The following PDE10A variants were observed in gnomAD, a reference collection of about 807,000 sequenced individuals.
The protein encoded by PDE10A is phosphodiesterase 10A.
PDE10A carries 39 observed loss-of-function variants against 97.7 expected under a neutral mutation model. The ratio of observed to expected loss-of-function variants is 0.40; its 90% CI spans 0.31 to 0.52. PDE10A has a LOEUF of 0.52. PDE10A is among the 20% of genes least tolerant of loss of function. The pLI, the probability that PDE10A is intolerant of heterozygous loss-of-function variation, is 0.56. For missense variants in PDE10A, 731 were observed against 1,047.8 expected, an observed-to-expected ratio of 0.70 and a Z score of 4.17; for synonymous variants, 371 against 376.8, an observed-to-expected ratio of 0.98 and a Z score of 0.18.
At chr6:165,531,155 T>C (rs1782754027) in intron 2 of PDE10A, among the ~76,000 whole-genome samples, 1 of 152,000 alleles carries the variant, frequency 6.6e-6, no homozygotes, top group Non-Finnish European at 1.5e-5. Flanking sequence ...GATCACATAC[T>C]CTAACTACAT....
intron 2 of PDE10A, among the ~76,000 whole-genome samples, chr6:165,512,926 A>T (rs1387073911): frequency 6.6e-6 from 1 of 152,018 alleles, no homozygotes; most frequent in Non-Finnish European, 1.5e-5. Context: ...AATGAGATTA[A>T]GCATCCTTTA....
At position 165,883,552 on chromosome 6, in the gene PDE10A, A is replaced by AT. The variant is rs1172293880; in HGVS notation, c.-615+103976_-615+103977insA. 4.1e-4 allele frequency among the ~76,000 whole-genome samples: 28 copies of AT among 68,316 alleles called. No homozygotes were observed. The East Asian group carries it at 4.2e-3, about 10-fold the overall frequency. The allele number at this position is 68,316 out of a possible 152,430, so 44.8% of individuals were successfully genotyped here. The stretch of plus-strand genomic sequence containing the variant: ...GAGACTCCGTCTCAAAAAAAAAAAA[A>AT]ATAAATAAAAATAAAAATAAACTCT... On this transcript the variant is annotated intron_variant, in intron 1 of 19. Transcript: ENST00000366882.
intron 1 of PDE10A, among the ~76,000 whole-genome samples, chr6:165,693,861 G>A (rs1440814938): frequency 6.6e-6 from 1 of 152,152 alleles, no homozygotes; most frequent in Non-Finnish European, 1.5e-5. Flanking sequence ...ACAGTTCTCA[G>A]GCTTCAAATA....
chr6:165,538,092 G>A (rs896876028), intron 2 of PDE10A, among the ~76,000 whole-genome samples: 1 of 151,864 alleles, frequency 6.6e-6, no homozygotes, highest in African/African-American at 2.4e-5. Flanking sequence ...AATTTAATCT[G>A]AATTTTAGGT....
chr6:165,335,272 T>C (rs540584487), intron 21 of PDE10A, among the ~76,000 whole-genome samples: 27 of 152,146 alleles, frequency 1.8e-4, no homozygotes, highest in African/African-American at 6.3e-4. Flanking sequence ...GAGGAAGCGG[T>C]TATTCAAAAT....
chr6:165,858,974 G>A (rs1440029069), intron 1 of PDE10A, among the ~76,000 whole-genome samples: 1 of 152,168 alleles, frequency 6.6e-6, no homozygotes, highest in Non-Finnish European at 1.5e-5. Flanking sequence ...GCAAACTACA[G>A]CTGATGTTCA....
rs1327159094 is a variant in PDE10A, at chr6:165,331,215, T to A, written c.*1810A>T. The A allele has an allele frequency of 6.6e-6, 1 of 152,170 alleles. No homozygotes were observed. Among genetic ancestry groups the A allele is most frequent in the South Asian group, 2.1e-4 (1 of 4,832 alleles). The allele number at this position is 152,170 out of a possible 1,614,324, so 9.4% of individuals were successfully genotyped here. A position where few individuals can be genotyped will look rare whatever the true frequency, so the allele number is the denominator to read the frequency against. Reference sequence around the variant, plus strand: ...GTGTGTTCTACATATATTACATCCATCCATATATATATGTGTGTGTATATA... The same window carrying A: ...GTGTGTTCTACATATATTACATCCAACCATATATATATGTGTGTGTATATA... On this transcript the variant is annotated 3_prime_UTR_variant, in exon 22 of 22. Coordinates refer to ENST00000539869, the MANE Select transcript of PDE10A (RefSeq NM_001385079.1).
chr6:165,687,591 C>T (rs1164439751), intron 1 of PDE10A, among the ~76,000 whole-genome samples: 2 of 152,170 alleles, frequency 1.3e-5, no homozygotes, highest in African/African-American at 2.4e-5. Context: ...AACTGAAAAA[C>T]GATTCTTTCT....
intron 1 of PDE10A, among the ~76,000 whole-genome samples, chr6:165,888,650 T>G (rs1781697144): frequency 6.6e-6 from 1 of 152,160 alleles, no homozygotes; most frequent in Non-Finnish European, 1.5e-5. Flanking sequence ...GGATTTTTAT[T>G]TGTTTGTTTG....
rs1336009458 is a variant in PDE10A at position 165,329,544 on chromosome 6, A to T, written c.*3481T>A. On this transcript the variant is annotated 3_prime_UTR_variant, in exon 22 of 22. Transcript: ENST00000539869. ...TAAAAGACCAGAAACACAATACCCA[A>T]ACCTAAACCTATTAAAAAACCCAGG... The T allele has an allele frequency of 6.6e-6, 1 of 152,220 alleles. No homozygotes were observed. Among genetic ancestry groups the T allele is most frequent in the Non-Finnish European group, 1.5e-5 (1 of 68,032 alleles). 9.4% of individuals were successfully genotyped at this position (152,220 alleles called of 1,614,324 possible). A position where few individuals can be genotyped will look rare whatever the true frequency, so the allele number is the denominator to read the frequency against.
chr6:165,680,352 C>G (rs60428267), intron 1 of PDE10A, among the ~76,000 whole-genome samples: 1 of 152,106 alleles, frequency 6.6e-6, no homozygotes, highest in Non-Finnish European at 1.5e-5. Context: ...GCAACCTCCA[C>G]GGAGGAAACA....
intron 1 of PDE10A, among the ~76,000 whole-genome samples, chr6:165,565,723 A>C (rs1041767455): frequency 3.9e-5 from 6 of 152,236 alleles, no homozygotes; most frequent in Non-Finnish European, 8.8e-5. Flanking sequence ...TTATTAGGGA[A>C]ATAATGGATA....
At chr6:165,554,853 T>C (rs1028413407) in intron 1 of PDE10A, among the ~76,000 whole-genome samples, 5 of 152,156 alleles carry the variant, frequency 3.3e-5, no homozygotes, top group African/African-American at 1.2e-4. Context: ...GAAGGAGATA[T>C]TGTCTTTTGC....
intron 19 of PDE10A, among the ~76,000 whole-genome samples, 181 bp downstream of exon 19, chr6:165,343,210 A>G (rs1428056425): frequency 6.6e-6 from 1 of 152,218 alleles, no homozygotes; most frequent in African/African-American, 2.4e-5. Context: ...CATGTAAGTA[A>G]TATGTAAAAG....
intron 1 of PDE10A, among the ~76,000 whole-genome samples, chr6:165,899,662 C>T (rs1782050454): frequency 1.3e-5 from 2 of 152,220 alleles, no homozygotes; most frequent in South Asian, 4.1e-4. Context: ...TCAATCTGAG[C>T]CCTAAAGGGT....
chr6:165,772,746 G>A (rs1052873814), intron 1 of PDE10A, among the ~76,000 whole-genome samples: 1 of 152,136 alleles, frequency 6.6e-6, no homozygotes, highest in African/African-American at 2.4e-5. Context: ...CCGTTGATTT[G>A]GGGGCGGGGT....
intron 5 of PDE10A, among the ~76,000 whole-genome samples, chr6:165,440,628 A>C (rs1036923109): frequency 1.3e-5 from 2 of 152,170 alleles, no homozygotes; most frequent in African/African-American, 4.8e-5. Flanking sequence ...CCTCATCACT[A>C]AAATGAAAAG....
At chr6:165,369,162 A>G (rs1373231871) in intron 18 of PDE10A, among the ~76,000 whole-genome samples, 2 of 152,076 alleles carry the variant, frequency 1.3e-5, no homozygotes, top group South Asian at 2.1e-4. Flanking sequence ...AACTCTAAAA[A>G]GCAGAGCACC....
chr6:165,953,696 C>T (rs960851540), intron 1 of PDE10A, among the ~76,000 whole-genome samples: 8 of 152,318 alleles, frequency 5.3e-5, no homozygotes, highest in South Asian at 2.1e-4. Flanking sequence ...CTACTATCTG[C>T]GTCTTGCACT....
Sources: gnomAD v4.1 joint callset for allele counts (sites outside exome capture counted in the v4.1 genomes callset) on GRCh38, gnomAD v4.1.1 for gene constraint, MANE v1.5 for transcripts, NCBI Gene and HGNC (gene_info 2026-07-23, HGNC 2026-07-21) for gene names.